HPCAL1: variants seen among roughly 807,000 people sequenced by gnomAD.
HPCAL1 encodes the protein hippocalcin like 1.
Under a neutral mutation model 17.1 loss-of-function variants are expected in HPCAL1, and 8 were observed. The observed-to-expected ratio is 0.47, with a 90% CI of 0.27 to 0.84. HPCAL1 has a LOEUF of 0.84. HPCAL1 is among the 40% of genes least tolerant of loss of function. HPCAL1 has a pLI of 0.13. For synonymous variants in HPCAL1, 112 were observed against 111.4 expected, an observed-to-expected ratio of 1.01 and a Z score of -0.03; for missense variants, 165 against 271.1, an observed-to-expected ratio of 0.61 and a Z score of 2.75.
At chr2:10,388,825 G>A (rs1668497802) in intron 1 of HPCAL1, among the ~76,000 whole-genome samples, 1 of 152,218 alleles carries the variant, frequency 6.6e-6, no homozygotes, top group African/African-American at 2.4e-5. Flanking sequence ...GGTGTGTACT[G>A]TGGACCCATT....
In HPCAL1 at chr2:10,362,431, T is replaced by C. The variant is rs950033104; in HGVS notation, c.-110-34404T>C. Among the ~76,000 whole-genome samples, 23 of 151,990 alleles carry C rather than the reference T, an allele frequency of 1.5e-4. No homozygotes were observed. The highest frequency in any genetic ancestry group is 3.2e-4 in the Non-Finnish European group (22 of 67,972). ...AGAGGCCAGCCTGAGCTCCTCCATG[T>C]CCTACTCCTGTGGATAGACCCCCCG... On this transcript the variant is annotated intron_variant, in intron 1 of 4. Transcript: ENST00000307845. This position sits in a 1 kb window ranked among gnomAD's most constrained non-coding sequence, Gnocchi z 5.0.
intron 2 of HPCAL1, among the ~76,000 whole-genome samples, chr2:10,398,978 G>T (rs535446787): frequency 2.1e-4 from 32 of 152,126 alleles, no homozygotes; most frequent in Admixed American, 1.9e-3. Context: ...ATCTGGGTCC[G>T]TGTTACCTGG....
At chr2:10,314,420 T>G (rs1014397217) in intron 1 of HPCAL1, among the ~76,000 whole-genome samples, 3 of 151,972 alleles carry the variant, frequency 2.0e-5, no homozygotes, top group Non-Finnish European at 4.4e-5. Flanking sequence ...AGGCTGAGAT[T>G]AAGAAGACAG....
intron 4 of HPCAL1, 72 bp downstream of exon 4, chr2:10,423,160 C>G: frequency 1.7e-6 from 2 of 1,155,472 alleles, no homozygotes; most frequent in Non-Finnish European, 2.6e-6. Context: ...TTGGGGCACC[C>G]CCTCCCCTCT....
At chr2:10,376,540 ATCC>A (rs1667570030) in intron 1 of HPCAL1, among the ~76,000 whole-genome samples, 1 of 151,946 alleles carries the variant, frequency 6.6e-6, no homozygotes, top group African/African-American at 2.4e-5. Flanking sequence ...GGTTCAAGCA[ATCC>A]TCCTGCCTCA....
intron 2 of HPCAL1, among the ~76,000 whole-genome samples, chr2:10,418,543 T>C (rs1178226566): frequency 1.3e-5 from 2 of 150,984 alleles, no homozygotes; most frequent in Non-Finnish European, 2.9e-5. Context: ...CCTTTCATAA[T>C]GGAGAGCTGG....
intron 1 of HPCAL1, among the ~76,000 whole-genome samples, chr2:10,375,918 C>T (rs1409658836): frequency 1.3e-5 from 2 of 152,338 alleles, no homozygotes; most frequent in Admixed American, 1.3e-4. Context: ...TGCGTGTCCC[C>T]TCCAAGTCCA....
At chr2:10,402,858 G>T (rs572844076) in intron 2 of HPCAL1, among the ~76,000 whole-genome samples, 1 of 152,306 alleles carries the variant, frequency 6.6e-6, no homozygotes, top group South Asian at 2.1e-4. Context: ...TTGCCCTGCA[G>T]ACAGAGCCAT....
In HPCAL1 at chr2:10,337,280, C is replaced by G. The variant is rs553475699; in HGVS notation, c.-111+34103C>G. 2.6e-5 allele frequency among the ~76,000 whole-genome samples: 4 copies of G among 152,260 alleles called. No individual in the cohort carries two copies. In the Middle Eastern group the frequency reaches 0.01, roughly 388 times the overall value. ...TTGCCTCCCCCTCCTTTCGTGTCTTCGTGCCTCCTCACGTATTCTTACAAG... is the reference window on the plus strand; with the variant it reads ...TTGCCTCCCCCTCCTTTCGTGTCTTGGTGCCTCCTCACGTATTCTTACAAG... On this transcript the variant is annotated intron_variant, in intron 1 of 4. Transcript: ENST00000307845.
At chr2:10,415,691 C>CAAGAT in intron 2 of HPCAL1, among the ~76,000 whole-genome samples, 1 of 152,290 alleles carries the variant, frequency 6.6e-6, no homozygotes, top group African/African-American at 2.4e-5. Flanking sequence ...ATCATCACGA[C>CAAGAT]CACCCTGCCA....
In HPCAL1 at chr2:10,323,696, G is replaced by A. The variant is rs1232488217; in HGVS notation, c.-111+20519G>A. On this transcript the variant is annotated intron_variant, in intron 1 of 4. Transcript: ENST00000307845. The surrounding 1 kb of genome is among the most constrained non-coding windows in gnomAD (Gnocchi z 4.6). ...CACTGTCCTACTGCTTTATACGCAT[G>A]ACCTCAGGTAATGAGAATTAGCCCA... is the stretch of plus-strand genomic sequence containing the variant. 1.3e-5 allele frequency among the ~76,000 whole-genome samples: 2 copies of A among 152,228 alleles called. No homozygotes were observed. The highest frequency in any genetic ancestry group is 4.8e-5 in the African/African-American group (2 of 41,450).
At chr2:10,313,775 A>G (rs192475868) in intron 1 of HPCAL1, among the ~76,000 whole-genome samples, 40 of 152,368 alleles carry the variant, frequency 2.6e-4, no homozygotes, top group African/African-American at 9.4e-4. Context: ...GCATACTTGC[A>G]TTGTAGGTAC....
In HPCAL1 at chr2:10,344,176, G is replaced by A. The variant is rs961344919; in HGVS notation, c.-111+40999G>A. On this transcript the variant is annotated intron_variant, in intron 1 of 4. Coordinates refer to ENST00000307845, the MANE Select transcript of HPCAL1 (RefSeq NM_002149.4). The surrounding 1 kb of genome is among the most constrained non-coding windows in gnomAD (Gnocchi z 4.9). ...TCATTAACCCTACAGCTTTGATCTC[G>A]AAGTCTCGGCCGCTCCTGGCTCAGA... Among the ~76,000 whole-genome samples the A allele has an allele frequency of 1.3e-5, 2 of 152,190 alleles. No homozygotes were observed. The highest frequency in any genetic ancestry group is 2.9e-5 in the Non-Finnish European group (2 of 68,034).
intron 1 of HPCAL1, among the ~76,000 whole-genome samples, chr2:10,360,944 C>T (rs1666484867): frequency 6.6e-6 from 1 of 151,280 alleles, no homozygotes; most frequent in Admixed American, 6.6e-5. Flanking sequence ...TTTTGTTTGC[C>T]TGTCCAGCAG....
At position 10,384,546 on chromosome 2, in the gene HPCAL1, T is replaced by C. The variant is rs1201173837; in HGVS notation, c.-110-12289T>C. On this transcript the variant is annotated intron_variant, in intron 1 of 4. Coordinates refer to ENST00000307845, the MANE Select transcript of HPCAL1 (RefSeq NM_002149.4). The surrounding 1 kb of genome is among the most constrained non-coding windows in gnomAD (Gnocchi z 4.4). ...CCCCATGGGGCTACAGATGCTAATC[T>C]GCAAATCCCAGAAAAGTGGAATCTC... Among the ~76,000 whole-genome samples the C allele has an allele frequency of 6.6e-6, 1 of 151,922 alleles. No individual in the cohort carries two copies. Among genetic ancestry groups the C allele is most frequent in the African/African-American group, 2.4e-5 (1 of 41,364 alleles).
At chr2:10,348,811 TCTC>T (rs1229922515) in intron 1 of HPCAL1, among the ~76,000 whole-genome samples, 1 of 152,058 alleles carries the variant, frequency 6.6e-6, no homozygotes, top group Admixed American at 6.6e-5. Context: ...ATTCTGGCCT[TCTC>T]CTGGGAAATC....
At position 10,394,961 on chromosome 2, in the gene HPCAL1, A is replaced by G. The variant is rs80114794; in HGVS notation, c.-110-1874A>G. Among the ~76,000 whole-genome samples, 1 of 150,568 alleles carries G rather than the reference A, an allele frequency of 6.6e-6. No homozygotes were observed. The highest frequency in any genetic ancestry group is 1.5e-5 in the Non-Finnish European group (1 of 67,948). Reference sequence around the variant, plus strand: ...CAGGCACGCACCACCACGCATGGCTAATTTTTTGTATTTTTAGTAGAGATG... The same window carrying G: ...CAGGCACGCACCACCACGCATGGCTGATTTTTTGTATTTTTAGTAGAGATG... On this transcript the variant is annotated intron_variant, in intron 1 of 4. Transcript: ENST00000307845. The surrounding 1 kb of genome is among the most constrained non-coding windows in gnomAD (Gnocchi z 5.0).
chr2:10,357,666 C>A (rs1242951503), intron 1 of HPCAL1, among the ~76,000 whole-genome samples: 1 of 152,216 alleles, frequency 6.6e-6, no homozygotes, highest in Non-Finnish European at 1.5e-5. Flanking sequence ...GACCTCCCTC[C>A]CCATGAGGTG....
At chr2:10,393,226 G>A (rs934482002) in intron 1 of HPCAL1, among the ~76,000 whole-genome samples, 2 of 152,256 alleles carry the variant, frequency 1.3e-5, no homozygotes, top group African/African-American at 2.4e-5. Context: ...AGCAATGACT[G>A]TAATCTCTAT....
Sources: allele counts gnomAD v4.1 joint callset (sites outside exome capture counted in the v4.1 genomes callset), GRCh38; gene constraint gnomAD v4.1.1; non-coding constraint Gnocchi (gnomAD v3.1); transcripts MANE v1.5; gene names NCBI Gene and HGNC (gene_info 2026-07-23, HGNC 2026-07-21).